HDAC9: variants seen among roughly 807,000 people sequenced by gnomAD.
HDAC9 encodes histone deacetylase 9.
In HDAC9, 41 loss-of-function variants were observed where a neutral mutation model predicts 139.4. The ratio of observed to expected loss-of-function variants is 0.29; its 90% CI spans 0.23 to 0.38. The LOEUF (loss-of-function observed/expected upper bound fraction) is 0.38, where lower values mean the gene tolerates loss of function less well. Ranked by LOEUF, HDAC9 falls within the 10% of genes least tolerant of loss-of-function variation. The pLI is 1.00. For missense variants in HDAC9, 1,147 were observed against 1,297.0 expected (o/e 0.88, Z 1.78); for synonymous variants, 517 against 476.2 (o/e 1.09, Z -1.12).
intron 2 of HDAC9, among the ~76,000 whole-genome samples, chr7:18,522,448 A>G (rs1050814030): frequency 9.9e-5 from 15 of 152,032 alleles, no homozygotes; most frequent in Non-Finnish European, 1.6e-4. Context: ...CCACATTTTC[A>G]TTTCTTGTCT....
chr7:18,727,824 T>C (rs1785680455), intron 13 of HDAC9, 67 bp downstream of exon 13: 8 of 1,235,752 alleles, frequency 6.5e-6, no homozygotes, highest in South Asian at 1.9e-5. Flanking sequence ...GATTAACCGA[T>C]TTAAATGCTC....
At chr7:18,984,315 G>A (rs550962201) in intron 25 of HDAC9, among the ~76,000 whole-genome samples, 23 of 152,220 alleles carry the variant, frequency 1.5e-4, no homozygotes, top group South Asian at 6.2e-4. Context: ...AAGGACTCTC[G>A]GGGCAGTTGG....
chr7:18,492,072 C>G (rs1796410665), upstream of HDAC9, among the ~76,000 whole-genome samples: 1 of 151,978 alleles, frequency 6.6e-6, no homozygotes, highest in Non-Finnish European at 1.5e-5. Context: ...ATGCAACTAA[C>G]ATGATGCAAT....
intron 1 of HDAC9, among the ~76,000 whole-genome samples, chr7:18,125,919 C>T (rs1030346263): frequency 3.3e-5 from 5 of 152,124 alleles, no homozygotes; most frequent in South Asian, 2.1e-4. Context: ...CCGAAACAGG[C>T]CTACAGGCTG....
chr7:18,869,147 GGTGTGTGTGT>G lies in HDAC9; in HGVS notation c.2685-5300_2685-5291del, dbSNP rs58034239. On this transcript the variant is annotated intron_variant, in intron 21 of 25. Transcript: ENST00000686413. ...GGGAAATTCCTGGACTCACAATTGG[GGTGTGTGTGT>G]GTGTGTGTGTGTGTGTGTGTGTGTG... Among the ~76,000 whole-genome samples the G allele has an allele frequency of 1.4e-3, 191 of 138,220 alleles. 1 individual carries two copies. The highest frequency in any genetic ancestry group is 4.9e-3 in the African/African-American group (177 of 36,316). 90.7% of individuals were successfully genotyped at this position (138,220 alleles called of 152,430 possible).
At chr7:18,717,991 T>A (rs912729078) in intron 12 of HDAC9, among the ~76,000 whole-genome samples, 1 of 152,206 alleles carries the variant, frequency 6.6e-6, no homozygotes, top group Admixed American at 6.5e-5. Context: ...ATATGCTATA[T>A]GCTTTACTCA....
intron 25 of HDAC9, among the ~76,000 whole-genome samples, chr7:18,978,245 G>A (rs966695989): frequency 6.6e-6 from 1 of 152,144 alleles, no homozygotes; most frequent in African/African-American, 2.4e-5. Context: ...GGTGTTTGGA[G>A]TGAGATGACT....
chr7:18,389,301 C>A (rs1786240589), intron 1 of HDAC9, among the ~76,000 whole-genome samples: 1 of 152,160 alleles, frequency 6.6e-6, no homozygotes, highest in African/African-American at 2.4e-5. Flanking sequence ...AGTGGATAAT[C>A]ACAATAATAT....
chr7:18,507,225 C>T (rs1322412769), intron 2 of HDAC9, among the ~76,000 whole-genome samples: 4 of 146,756 alleles, frequency 2.7e-5, no homozygotes, highest in Non-Finnish European at 5.9e-5. Flanking sequence ...GAGTCTCACT[C>T]TGTCGCCCAG....
chr7:18,764,881 G>T (rs1789692359), intron 15 of HDAC9, among the ~76,000 whole-genome samples: 1 of 150,650 alleles, frequency 6.6e-6, no homozygotes, highest in South Asian at 2.1e-4. Flanking sequence ...AGTATGATGA[G>T]ACCTGTCAGT....
chr7:18,167,828 G>A (rs1228454591), intron 2 of HDAC9, among the ~76,000 whole-genome samples: 3 of 152,204 alleles, frequency 2.0e-5, no homozygotes, highest in African/African-American at 7.2e-5. Flanking sequence ...GACAGGTTTG[G>A]TGAACAGCTG....
intron 2 of HDAC9, among the ~76,000 whole-genome samples, chr7:18,189,521 A>G (rs1480750906): frequency 6.6e-6 from 1 of 152,182 alleles, no homozygotes; most frequent in Non-Finnish European, 1.5e-5. Context: ...GGGGCTTATT[A>G]GTATGTGAGT....
intron 6 of HDAC9, among the ~76,000 whole-genome samples, chr7:18,625,159 A>G (rs148656640): frequency 1.2e-3 from 187 of 152,274 alleles, no homozygotes; most frequent in African/African-American, 4.4e-3. Context: ...TTTTAGAAAT[A>G]TTAGTGGTAT....
At chr7:18,339,005 G>C (rs1432781385) in intron 1 of HDAC9, among the ~76,000 whole-genome samples, 1 of 151,416 alleles carries the variant, frequency 6.6e-6, no homozygotes, top group Non-Finnish European at 1.5e-5. Flanking sequence ...GTTTTCCAAG[G>C]AATTTGTCCA....
At chr7:18,310,125 C>T (rs1799203577) in intron 1 of HDAC9, among the ~76,000 whole-genome samples, 1 of 150,236 alleles carries the variant, frequency 6.7e-6, no homozygotes, top group Non-Finnish European at 1.5e-5. Context: ...TCAAGCTATC[C>T]CAAGGCCTGC....
chr7:18,134,746 T>C (rs1785271690), intron 1 of HDAC9, among the ~76,000 whole-genome samples: 2 of 152,122 alleles, frequency 1.3e-5, no homozygotes, highest in African/African-American at 4.8e-5. Context: ...AATATTCTTC[T>C]CTCTTTATTT....
chr7:18,737,227 A>C (rs187677193), intron 13 of HDAC9, among the ~76,000 whole-genome samples: 72 of 151,988 alleles, frequency 4.7e-4, no homozygotes, highest in Middle Eastern at 3.4e-3. Flanking sequence ...TTGTGTCTCT[A>C]TCTCCTTCAG....
intron 1 of HDAC9, among the ~76,000 whole-genome samples, chr7:18,111,504 C>G (rs1391338114): frequency 1.3e-5 from 2 of 152,072 alleles, no homozygotes; most frequent in Non-Finnish European, 2.9e-5. Flanking sequence ...CCTTGGATAC[C>G]AATATCAGTG....
At chr7:18,791,830 G>C (rs1792340882) in intron 16 of HDAC9, among the ~76,000 whole-genome samples, 1 of 152,168 alleles carries the variant, frequency 6.6e-6, no homozygotes, top group African/African-American at 2.4e-5. Context: ...AATGGTAGTA[G>C]CTAGCTTTTG....
Sources: allele counts gnomAD v4.1 joint callset (sites outside exome capture counted in the v4.1 genomes callset), GRCh38; gene constraint gnomAD v4.1.1; transcripts MANE v1.5; gene names NCBI Gene and HGNC (gene_info 2026-07-23, HGNC 2026-07-21).